Variants in RAB6A observed in about 807,000 individuals in gnomAD.
The protein encoded by RAB6A is RAB6A, member RAS oncogene family, also known as ras-related protein Rab-6A.
RAB6A carries 8 observed loss-of-function variants against 32.3 expected under a neutral mutation model. The observed-to-expected ratio is 0.25, with a 90% CI of 0.15 to 0.45. The LOEUF (loss-of-function observed/expected upper bound fraction) is 0.45. RAB6A is among the 20% of genes least tolerant of loss of function. The pLI, the probability that RAB6A is intolerant of heterozygous loss-of-function variation, is 1.00. For missense variants in RAB6A, 104 were observed against 249.4 expected (o/e 0.42, Z 3.93); for synonymous variants, 73 against 82.1 (o/e 0.89, Z 0.60).
rs201688233 is a variant in RAB6A, at chr11:73,735,059, C to T, written c.71-4236G>A. ...AATAACTACATTTGCATTCACTATG[C>T]TGCCTCAATGCAATCTCCAGAAACA... is the stretch of plus-strand genomic sequence containing the variant. On this transcript the variant is annotated intron_variant, in intron 1 of 7. Transcript: ENST00000336083. Among the ~76,000 whole-genome samples, 11 of 152,218 alleles carry T rather than the reference C, an allele frequency of 7.2e-5. No homozygotes were observed. The East Asian group carries it at 1.9e-3, about 27-fold the overall frequency.
intron 1 of RAB6A, among the ~76,000 whole-genome samples, chr11:73,737,502 A>G (rs1241109102): frequency 2.6e-5 from 4 of 152,042 alleles, no homozygotes; most frequent in African/African-American, 7.3e-5. Context: ...TCATCATTTG[A>G]GCTAAATGAT....
chr11:73,737,384 G>A (rs759199840), intron 1 of RAB6A, among the ~76,000 whole-genome samples: 6 of 151,894 alleles, frequency 4.0e-5, no homozygotes, highest in South Asian at 2.1e-4. Context: ...TTGGCAGGCC[G>A]AAGCAGAAGG....
chr11:73,705,802 G>GAGAGAGAGAGAGAGAGAT (rs1391507878), intron 6 of RAB6A, among the ~76,000 whole-genome samples: 1 of 147,646 alleles, frequency 6.8e-6, no homozygotes, highest in South Asian at 2.1e-4. Flanking sequence ...GAGAGAGAGA[G>GAGAGAGAGAGAGAGAGAT]ATTTTCAATA....
At chr11:73,705,215 T>C (rs1262472680) in intron 6 of RAB6A, among the ~76,000 whole-genome samples, 1 of 151,972 alleles carries the variant, frequency 6.6e-6, no homozygotes, top group African/African-American at 2.4e-5. Flanking sequence ...TACCAGGATA[T>C]ATAAGCAACT....
intron 4 of RAB6A, 34 bp from the exon 5 acceptor site, chr11:73,716,396 T>C: frequency 6.6e-7 from 1 of 1,517,018 alleles, no homozygotes; most frequent in African/African-American, 1.4e-5. Context: ...AGATTAGTGT[T>C]GCTGAAAAAT....
chr11:73,712,540 G>C (rs376389501), intron 5 of RAB6A, among the ~76,000 whole-genome samples: 17 of 151,746 alleles, frequency 1.1e-4, no homozygotes, highest in African/African-American at 4.1e-4. Context: ...TAGTAGAGAC[G>C]AGGTTTCACT....
At chr11:73,700,419 GA>G (rs1565352662) in intron 6 of RAB6A, among the ~76,000 whole-genome samples, 1 of 151,894 alleles carries the variant, frequency 6.6e-6, no homozygotes, top group Non-Finnish European at 1.5e-5. Flanking sequence ...CCATCTCTAG[GA>G]AAAATAAATA....
At chr11:73,686,812 C>T (rs1336677135) in intron 6 of RAB6A, among the ~76,000 whole-genome samples, 4 of 152,034 alleles carry the variant, frequency 2.6e-5, no homozygotes, top group African/African-American at 9.7e-5. Flanking sequence ...TATATATATA[C>T]ATATACTGCT....
rs999055730 is a variant in RAB6A at position 73,718,594 on chromosome 11, C to A, written c.289+19G>T. ...AAAGGTTGAAAGAAGATTAGAAATG[C>A]ATAATTCCCTCCACTCACTTGTGAT... On this transcript the variant is annotated intron_variant, in intron 4 of 7. Coordinates refer to ENST00000336083, the MANE Select transcript of RAB6A (RefSeq NM_198896.2). The A allele has an allele frequency of 1.3e-6, 2 of 1,581,688 alleles. No individual in the cohort carries two copies. The highest frequency in any genetic ancestry group is 2.3e-5 in the South Asian group (2 of 88,300).
chr11:73,702,748 G>A (rs1369234232), intron 6 of RAB6A, among the ~76,000 whole-genome samples: 2 of 151,984 alleles, frequency 1.3e-5, no homozygotes, highest in Non-Finnish European at 2.9e-5. Context: ...TATCTTCATT[G>A]CTGTGGTCAT....
chr11:73,686,262 A>C (rs1945454186), intron 6 of RAB6A, among the ~76,000 whole-genome samples: 1 of 152,110 alleles, frequency 6.6e-6, no homozygotes, highest in Admixed American at 6.5e-5. Context: ...GCTCTTAAGA[A>C]TACCAGATTT....
chr11:73,699,894 G>A (rs999919771), intron 6 of RAB6A, among the ~76,000 whole-genome samples: 6 of 152,182 alleles, frequency 3.9e-5, no homozygotes, highest in Non-Finnish European at 8.8e-5. Context: ...CAATGCATAA[G>A]GTACATATAC....
At chr11:73,705,967 T>C (rs1345410117) in intron 6 of RAB6A, among the ~76,000 whole-genome samples, 1 of 151,054 alleles carries the variant, frequency 6.6e-6, no homozygotes, top group Non-Finnish European at 1.5e-5. Flanking sequence ...AGGAGTACAA[T>C]TAGGAAAGGG....
chr11:73,703,855 G>A (rs900825447), intron 6 of RAB6A, among the ~76,000 whole-genome samples: 2 of 151,836 alleles, frequency 1.3e-5, no homozygotes, highest in African/African-American at 4.8e-5. Context: ...GGATCTTGAG[G>A]TCAGGATCAT....
intron 1 of RAB6A, among the ~76,000 whole-genome samples, chr11:73,756,451 A>T (rs1260818159): frequency 6.6e-6 from 1 of 152,210 alleles, no homozygotes; most frequent in Non-Finnish European, 1.5e-5. Context: ...ATGGAAAAAA[A>T]GAAAAGGCAA....
chr11:73,760,123 G>C (rs1464928485), intron 1 of RAB6A: 1 of 1,292,716 alleles, frequency 7.7e-7, no homozygotes, highest in South Asian at 1.2e-5. Flanking sequence ...CCTTGGCCAA[G>C]GTTGAAGAGG....
chr11:73,716,207 A>G (rs1279154332), intron 5 of RAB6A, 44 bp downstream of exon 5: 1 of 1,398,326 alleles, frequency 7.2e-7, no homozygotes, highest in Non-Finnish European at 1.0e-6. Flanking sequence ...AAAAGGCTGC[A>G]TCACAGAAAT....
Position 73,753,998 on chromosome 11 carries a change from ACT to A in RAB6A, c.70+6566_70+6567del, listed in dbSNP as rs1221482668. On this transcript the variant is annotated intron_variant, in intron 1 of 7. Transcript: ENST00000336083. ...TCTGAGCACTTCTCATGTGCCCAGC[ACT>A]CTTCTAAATGTTTTGCATTATTTGA... 9.2e-5 allele frequency among the ~76,000 whole-genome samples: 14 copies of A among 152,154 alleles called. No individual in the cohort carries two copies. The East Asian group carries it at 2.7e-3, about 29-fold the overall frequency.
chr11:73,707,476 CT>C lies in RAB6A; in HGVS notation c.438del (p.Glu147SerfsTer2). The C allele has an allele frequency of 6.2e-7, 1 of 1,613,800 alleles. No homozygotes were observed. Among genetic ancestry groups the C allele is most frequent in the Non-Finnish European group, 8.5e-7 (1 of 1,179,832 alleles). On this transcript the variant is annotated frameshift_variant, in exon 6 of 8. Transcript: ENST00000336083. LOFTEE classifies it high-confidence loss of function. Reference protein sequence around the residue: ...VSIEEGERKAKELNVMFIETS... With the variant: ...VSIEEGERKAXELNVMFIETS... ...GTTTCAATAAACATAACATTCAGCT[CT>C]TTGGCTTTCCTCTCTCCCTCCTCAA... is the stretch of plus-strand genomic sequence containing the variant.
Sources: allele counts gnomAD v4.1 joint callset (sites outside exome capture counted in the v4.1 genomes callset), GRCh38; gene constraint gnomAD v4.1.1; transcripts MANE v1.5; gene names NCBI Gene and HGNC (gene_info 2026-07-23, HGNC 2026-07-21).